Variants in CDKAL1 observed in about 807,000 individuals in gnomAD.
CDKAL1 encodes threonylcarbamoyladenosine tRNA methylthiotransferase.
A neutral mutation model predicts 68.2 loss-of-function variants in CDKAL1; 32 were observed. That is an observed-to-expected ratio of 0.47 (90% CI 0.35 to 0.63). The LOEUF (loss-of-function observed/expected upper bound fraction) is 0.63, where lower values mean the gene tolerates loss of function less well. CDKAL1 is among the 30% of genes least tolerant of loss of function. The pLI is 0.00. For missense variants in CDKAL1, 606 were observed against 696.7 expected, an observed-to-expected ratio of 0.87 and a Z score of 1.47; for synonymous variants, 234 against 244.3, an observed-to-expected ratio of 0.96 and a Z score of 0.39.
chr6:20,721,431 C>T (rs767332046), intron 5 of CDKAL1, among the ~76,000 whole-genome samples: 3 of 152,138 alleles, frequency 2.0e-5, no homozygotes, highest in African/African-American at 7.2e-5. Context: ...AATAGTATTC[C>T]GTTAGGTATA....
At chr6:21,080,009 T>TGTGTGTGTGTGTG (rs1375751747) in intron 12 of CDKAL1, among the ~76,000 whole-genome samples, 15 of 151,290 alleles carry the variant, frequency 9.9e-5, no homozygotes, top group South Asian at 2.1e-4. Flanking sequence ...TGTGTGTGTG[T>TGTGTGTGTGTGTG]TTGAACCATG....
At chr6:21,056,832 T>C (rs887050874) in intron 11 of CDKAL1, among the ~76,000 whole-genome samples, 2 of 152,240 alleles carry the variant, frequency 1.3e-5, no homozygotes, top group African/African-American at 4.8e-5. Context: ...CATTTATTGA[T>C]TTGAATATGT....
At chr6:20,617,768 T>C (rs1464174081) in intron 4 of CDKAL1, among the ~76,000 whole-genome samples, 1 of 152,202 alleles carries the variant, frequency 6.6e-6, no homozygotes, top group African/African-American at 2.4e-5. Flanking sequence ...TATGGCTGCA[T>C]AGTATTCCGT....
intron 11 of CDKAL1, among the ~76,000 whole-genome samples, chr6:21,031,672 G>A (rs62403406): frequency 0.078 from 11,837 of 152,024 alleles, 605 homozygotes; most frequent in Non-Finnish European, 0.11. Flanking sequence ...AGAACTCGAT[G>A]GAGTTGATTG....
intron 13 of CDKAL1, among the ~76,000 whole-genome samples, chr6:21,109,372 A>G (rs1272325806): frequency 6.6e-6 from 1 of 152,220 alleles, no homozygotes; most frequent in East Asian, 1.9e-4. Context: ...CAAAGTAAGT[A>G]GTGTGAAAAC....
At chr6:20,738,333 G>T (rs976258223) in intron 5 of CDKAL1, among the ~76,000 whole-genome samples, 3 of 152,090 alleles carry the variant, frequency 2.0e-5, no homozygotes, top group Non-Finnish European at 4.4e-5. Context: ...GTTCACTACT[G>T]TCTTCTAGCA....
At chr6:20,715,296 A>G (rs1249825764) in intron 5 of CDKAL1, among the ~76,000 whole-genome samples, 2 of 152,134 alleles carry the variant, frequency 1.3e-5, no homozygotes, top group Admixed American at 6.5e-5. Context: ...AAGATTCCAG[A>G]TTTAAGTGAG....
At chr6:21,176,221 G>C (rs930488360) in intron 13 of CDKAL1, among the ~76,000 whole-genome samples, 3 of 152,216 alleles carry the variant, frequency 2.0e-5, no homozygotes, top group African/African-American at 7.2e-5. Flanking sequence ...GTGATAAGAG[G>C]AACATTAAAG....
At chr6:20,957,565 T>C (rs1171809964) in intron 10 of CDKAL1, among the ~76,000 whole-genome samples, 1 of 152,230 alleles carries the variant, frequency 6.6e-6, no homozygotes, top group African/African-American at 2.4e-5. Context: ...GTATGTATCA[T>C]GTTGGCCTTT....
At chr6:20,561,451 A>G in intron 4 of CDKAL1, among the ~76,000 whole-genome samples, 1 of 145,042 alleles carries the variant, frequency 6.9e-6, no homozygotes, top group Non-Finnish European at 1.5e-5. Context: ...AAAAAGAAAA[A>G]AAAAAAAAAA....
At chr6:21,105,714 T>C (rs1773812462) in intron 12 of CDKAL1, among the ~76,000 whole-genome samples, 2 of 152,038 alleles carry the variant, frequency 1.3e-5, no homozygotes, top group Non-Finnish European at 2.9e-5. Flanking sequence ...TCATCACAAG[T>C]GAAGACAGAA....
At chr6:20,759,985 T>C (rs1365662418) in intron 7 of CDKAL1, among the ~76,000 whole-genome samples, 1 of 152,180 alleles carries the variant, frequency 6.6e-6, no homozygotes, top group African/African-American at 2.4e-5. Context: ...CTTTTCCTTC[T>C]GGGTGGTGTC....
chr6:20,646,931 G>A lies in CDKAL1; in HGVS notation c.287-2362G>A, dbSNP rs148281427. On this transcript the variant is annotated intron_variant, in intron 4 of 15. Transcript: ENST00000274695. The stretch of plus-strand genomic sequence containing the variant: ...GCTAATTTTTTGTATTATTAGTAGA[G>A]ATGGGGTTTCATCATGTTGGCCAGG... Among the ~76,000 whole-genome samples, 618 of 152,210 alleles carry A rather than the reference G, an allele frequency of 4.1e-3. 1 individual carries two copies. Among genetic ancestry groups the A allele is most frequent in the Middle Eastern group, 0.014 (4 of 294 alleles).
chr6:21,065,211 CA>C lies in CDKAL1; in HGVS notation c.1221del (p.Val408PhefsTer5). 1 of 1,608,144 alleles carries C rather than the reference CA, an allele frequency of 6.2e-7. No homozygotes were observed. The highest frequency in any genetic ancestry group is 8.5e-7 in the Non-Finnish European group (1 of 1,178,174). On this transcript the variant is annotated frameshift_variant, in exon 12 of 16. Transcript: ENST00000274695. LOFTEE classifies it high-confidence loss of function. The stretch of plus-strand genomic sequence containing the variant: ...AGGAACTCCTGCTGCAAAAATGGAA[CA>C]AGTTCCAGCACAAGTGGTAAGATCT... Reference protein sequence around the residue: ...RPGTPAAKMEQVPAQVKKQRT... With the variant: ...RPGTPAAKMEXVPAQVKKQRT...
intron 12 of CDKAL1, among the ~76,000 whole-genome samples, chr6:21,081,151 T>G (rs1772376798): frequency 1.3e-5 from 2 of 152,350 alleles, no homozygotes; most frequent in African/African-American, 2.4e-5. Flanking sequence ...TTTTTTGCCT[T>G]CCTTTTGGCA....
intron 15 of CDKAL1, among the ~76,000 whole-genome samples, chr6:21,207,904 A>G (rs1779000760): frequency 6.6e-6 from 1 of 152,224 alleles, no homozygotes; most frequent in Non-Finnish European, 1.5e-5. Flanking sequence ...AACCAGACCA[A>G]CTGCTGAGAT....
chr6:20,983,665 G>C (rs974980790), intron 10 of CDKAL1, among the ~76,000 whole-genome samples: 3 of 152,192 alleles, frequency 2.0e-5, no homozygotes, highest in African/African-American at 7.2e-5. Flanking sequence ...AGGTTGCAGT[G>C]AGCTGCGATC....
At chr6:21,009,797 T>C (rs1356700104) in intron 11 of CDKAL1, among the ~76,000 whole-genome samples, 1 of 152,092 alleles carries the variant, frequency 6.6e-6, no homozygotes, top group African/African-American at 2.4e-5. Flanking sequence ...AAAAAATTGA[T>C]CTCATGGAGA....
At chr6:21,171,754 A>G (rs1265826963) in intron 13 of CDKAL1, among the ~76,000 whole-genome samples, 2 of 152,198 alleles carry the variant, frequency 1.3e-5, no homozygotes, top group Non-Finnish European at 2.9e-5. Flanking sequence ...GGATACAGGT[A>G]CTATTAGGTT....
Sources: gnomAD v4.1 joint callset for allele counts (sites outside exome capture counted in the v4.1 genomes callset) on GRCh38, gnomAD v4.1.1 for gene constraint, MANE v1.5 for transcripts, NCBI Gene and HGNC (gene_info 2026-07-23, HGNC 2026-07-21) for gene names.